The following PDGFD variants were observed in gnomAD, a reference collection of about 807,000 sequenced individuals.
The protein encoded by PDGFD is platelet-derived growth factor D.
Under a neutral mutation model 44.7 loss-of-function variants are expected in PDGFD, and 30 were observed. That is an observed-to-expected ratio of 0.67 (90% CI 0.50 to 0.91). The LOEUF (loss-of-function observed/expected upper bound fraction) is 0.91, where lower values mean the gene tolerates loss of function less well. PDGFD is among the 40% of genes least tolerant of loss of function. The pLI is 0.00. For missense variants in PDGFD, 445 were observed against 457.8 expected (o/e 0.97, Z 0.25); for synonymous variants, 173 against 168.4 (o/e 1.03, Z -0.21).
intron 3 of PDGFD, among the ~76,000 whole-genome samples, chr11:103,965,554 T>C (rs566540765): frequency 1.3e-5 from 2 of 152,252 alleles, no homozygotes; most frequent in Admixed American, 1.3e-4. Context: ...GTTAACAGGA[T>C]ATGTATGGGT....
intron 1 of PDGFD, among the ~76,000 whole-genome samples, chr11:104,032,198 A>C (rs1049555361): frequency 1.3e-5 from 2 of 152,044 alleles, no homozygotes; most frequent in Non-Finnish European, 2.9e-5. Context: ...ACAACAACAA[A>C]AATAATGAAT....
intron 5 of PDGFD, 108 bp from the exon 6 acceptor site, chr11:103,927,234 C>T: frequency 1.0e-6 from 1 of 981,106 alleles, no homozygotes; most frequent in South Asian, 1.5e-5. Context: ...CAACTTTAAT[C>T]CTGGGATTAA....
chr11:104,074,568 G>C (rs1160816954), intron 1 of PDGFD, among the ~76,000 whole-genome samples: 2 of 152,202 alleles, frequency 1.3e-5, no homozygotes, highest in Non-Finnish European at 2.9e-5. Context: ...TTAGGAAGCA[G>C]TGTGGTACTG....
At chr11:104,080,941 A>G (rs1324674638) in intron 1 of PDGFD, among the ~76,000 whole-genome samples, 4 of 152,216 alleles carry the variant, frequency 2.6e-5, no homozygotes, top group African/African-American at 7.2e-5. Flanking sequence ...CCTGCCAGCT[A>G]TATGACTGAG....
At chr11:104,029,229 G>A (rs556513228) in intron 1 of PDGFD, among the ~76,000 whole-genome samples, 4 of 152,156 alleles carry the variant, frequency 2.6e-5, no homozygotes, top group Non-Finnish European at 5.9e-5. Flanking sequence ...GATACCATTG[G>A]GATGGTGTAA....
At chr11:104,125,617 T>A (rs1039639247) in intron 1 of PDGFD, among the ~76,000 whole-genome samples, 1 of 152,104 alleles carries the variant, frequency 6.6e-6, no homozygotes, top group African/African-American at 2.4e-5. Context: ...CATGACACTA[T>A]CCCAAGATGT....
intron 1 of PDGFD, chr11:104,037,687 G>T (rs1396017825): frequency 6.2e-7 from 1 of 1,614,120 alleles, no homozygotes; most frequent in East Asian, 2.2e-5. Flanking sequence ...GTGGGCTGGG[G>T]TTGCTAAAGG....
At chr11:104,078,282 G>C (rs1565328392) in intron 1 of PDGFD, among the ~76,000 whole-genome samples, 1 of 152,154 alleles carries the variant, frequency 6.6e-6, no homozygotes, top group Non-Finnish European at 1.5e-5. Flanking sequence ...ACTCAGGCTG[G>C]TTACATGGAC....
chr11:103,938,157 C>G (rs569182687), intron 5 of PDGFD, among the ~76,000 whole-genome samples: 1 of 151,104 alleles, frequency 6.6e-6, no homozygotes, highest in Non-Finnish European at 1.5e-5. Context: ...TGAACTAGTT[C>G]ACAGTCCCAC....
intron 6 of PDGFD, among the ~76,000 whole-genome samples, chr11:103,913,979 T>C (rs1228061597): frequency 6.6e-6 from 1 of 151,614 alleles, no homozygotes; most frequent in Non-Finnish European, 1.5e-5. Context: ...AATGCAGAAA[T>C]AAAAGACAAA....
intron 1 of PDGFD, among the ~76,000 whole-genome samples, chr11:104,102,921 C>A (rs1278105535): frequency 6.6e-6 from 1 of 152,000 alleles, no homozygotes; most frequent in Non-Finnish European, 1.5e-5. Context: ...CACACTAGGG[C>A]CTGTTGTGGG....
At chr11:104,117,704 C>G (rs1178803865) in intron 1 of PDGFD, among the ~76,000 whole-genome samples, 1 of 151,856 alleles carries the variant, frequency 6.6e-6, no homozygotes, top group Non-Finnish European at 1.5e-5. Flanking sequence ...ACAAGGAAAA[C>G]CACAAAACAC....
rs1430826351 is a variant in PDGFD, at chr11:103,943,642, G to A, written c.582C>T (p.Ser194=). 2 of 1,612,012 alleles carry A rather than the reference G, an allele frequency of 1.2e-6. No individual in the cohort carries two copies. The highest frequency in any genetic ancestry group is 1.7e-5 in the Admixed American group (1 of 59,680). The change falls in exon 5 of 7, where the codon TCC becomes TCT. Residue 194 remains serine, a synonymous_variant. Transcript: ENST00000393158. ...ESVTSSISGV[S]YNSPSVTDPT... is the part of the protein sequence containing the mutation. ...GATCCGTTACTGATGGAGAGTTATA[G>A]GATACCCCCTAAGAGTGACATACAG...
intron 1 of PDGFD, among the ~76,000 whole-genome samples, chr11:104,013,742 A>G (rs1859818233): frequency 6.6e-6 from 1 of 151,956 alleles, no homozygotes; most frequent in Admixed American, 6.6e-5. Flanking sequence ...TTGTTTTTCA[A>G]TAGGTAGCAT....
At chr11:104,065,850 C>A (rs1259880508) in intron 1 of PDGFD, among the ~76,000 whole-genome samples, 2 of 152,036 alleles carry the variant, frequency 1.3e-5, no homozygotes, top group Non-Finnish European at 2.9e-5. Context: ...AATACATTTT[C>A]TAGTCCGTTC....
At chr11:103,945,221 G>C (rs927150783) in intron 4 of PDGFD, among the ~76,000 whole-genome samples, 1 of 152,000 alleles carries the variant, frequency 6.6e-6, no homozygotes, top group African/African-American at 2.4e-5. Context: ...CTCTCATCTG[G>C]GTGCAGCCAT....
chr11:104,156,558 C>A (rs148702274), intron 1 of PDGFD, among the ~76,000 whole-genome samples: 2 of 152,078 alleles, frequency 1.3e-5, no homozygotes, highest in Non-Finnish European at 2.9e-5. Flanking sequence ...AGCTCCCATG[C>A]CTGGGCTATG....
intron 1 of PDGFD, among the ~76,000 whole-genome samples, chr11:104,035,484 T>G (rs1860212104): frequency 6.6e-6 from 1 of 151,460 alleles, no homozygotes; most frequent in Non-Finnish European, 1.5e-5. Context: ...GCCTCTTCCT[T>G]AAGTCAATTT....
chr11:104,115,040 A>G (rs965474612), intron 1 of PDGFD, among the ~76,000 whole-genome samples: 1 of 151,158 alleles, frequency 6.6e-6, no homozygotes, highest in African/African-American at 2.4e-5. Flanking sequence ...CTTTTATCCC[A>G]CACCCCCTCC....
Sources: gnomAD v4.1 joint callset for allele counts (sites outside exome capture counted in the v4.1 genomes callset) on GRCh38, gnomAD v4.1.1 for gene constraint, MANE v1.5 for transcripts, NCBI Gene and HGNC (gene_info 2026-07-23, HGNC 2026-07-21) for gene names.